Variants in CDH2 observed in about 807,000 individuals in gnomAD.
The protein encoded by CDH2 is cadherin 2, also known as cadherin-2.
In CDH2, 17 loss-of-function variants were observed where a neutral mutation model predicts 92.0. That is an observed-to-expected ratio of 0.18 (90% CI 0.13 to 0.28). The LOEUF is 0.28. CDH2 is among the 10% of genes least tolerant of loss of function. The pLI, the probability that CDH2 is intolerant of heterozygous loss-of-function variation, is 1.00. For synonymous variants in CDH2, 419 were observed against 415.9 expected (o/e 1.01, Z -0.09); for missense variants, 862 against 1,133.1 (o/e 0.76, Z 3.44).
chr18:27,974,024 T>C, intron 14 of CDH2, among the ~76,000 whole-genome samples: 1 of 152,300 alleles, frequency 6.6e-6, no homozygotes, highest in East Asian at 1.9e-4. Flanking sequence ...TAGACTTAGG[T>C]CACTGAAATT....
intron 2 of CDH2, among the ~76,000 whole-genome samples, chr18:28,075,061 G>C (rs1373425420): frequency 6.6e-6 from 1 of 152,092 alleles, no homozygotes; most frequent in African/African-American, 2.4e-5. Flanking sequence ...CCTATTAATA[G>C]AGTTTATTCA....
At chr18:28,142,787 T>G (rs1287528875) in intron 2 of CDH2, among the ~76,000 whole-genome samples, 1 of 151,756 alleles carries the variant, frequency 6.6e-6, no homozygotes, top group Non-Finnish European at 1.5e-5. Flanking sequence ...TTTAAAACAT[T>G]TACACATTTG....
rs17494690 is a variant in CDH2 at position 28,111,287 on chromosome 18, G to A, written c.172+36386C>T. Among the ~76,000 whole-genome samples the A allele has an allele frequency of 2.7e-3, 412 of 152,258 alleles. 3 individuals carry two copies. Among genetic ancestry groups the A allele is most frequent in the African/African-American group, 9.4e-3 (392 of 41,554 alleles). On this transcript the variant is annotated intron_variant, in intron 2 of 15. Transcript: ENST00000269141. Reference sequence around the variant, plus strand: ...TTGCTGACCTAGACAGAGATATTTCGAGGCATGGGTGTAGCACGTGCATAC... The same window carrying A: ...TTGCTGACCTAGACAGAGATATTTCAAGGCATGGGTGTAGCACGTGCATAC...
chr18:28,087,338 G>T (rs17468811), intron 2 of CDH2, among the ~76,000 whole-genome samples: 1,632 of 152,204 alleles, frequency 0.011, 23 homozygotes, highest in East Asian at 0.054. Context: ...CAATAAGCCC[G>T]CCTAAAGAAA....
At chr18:28,051,891 A>G (rs2014199252) in intron 2 of CDH2, among the ~76,000 whole-genome samples, 1 of 152,184 alleles carries the variant, frequency 6.6e-6, no homozygotes, top group African/African-American at 2.4e-5. Flanking sequence ...AGAGAAAAGT[A>G]CAAAAAACTC....
intron 9 of CDH2, among the ~76,000 whole-genome samples, chr18:27,991,999 AC>A (rs1181409274): frequency 6.6e-6 from 1 of 152,188 alleles, no homozygotes; most frequent in Non-Finnish European, 1.5e-5. Context: ...CTAGCATGCA[AC>A]TGTTTTGTTT....
intron 15 of CDH2, among the ~76,000 whole-genome samples, chr18:27,956,986 C>A (rs1217379996): frequency 6.6e-6 from 1 of 152,178 alleles, no homozygotes; most frequent in Non-Finnish European, 1.5e-5. Flanking sequence ...CTATTCTCAG[C>A]TCCAGCAACC....
At chr18:28,159,099 A>T (rs1372447130) in intron 1 of CDH2, 3 of 152,218 alleles carry the variant, frequency 2.0e-5, no homozygotes, top group Non-Finnish European at 4.4e-5. Context: ...CCTGAGACTA[A>T]AAAGTTTGTA....
chr18:27,940,710 G>T (rs1909114882), intron 6 of CDH2, among the ~76,000 whole-genome samples: 1 of 152,134 alleles, frequency 6.6e-6, no homozygotes, highest in Non-Finnish European at 1.5e-5. Context: ...GAGAAATAAG[G>T]TTTGACAATA....
chr18:28,043,461 AATATATATATATATATATATAT>A, intron 2 of CDH2, among the ~76,000 whole-genome samples: 1 of 71,968 alleles, frequency 1.4e-5, no homozygotes, highest in South Asian at 4.6e-4. Flanking sequence ...GATATAAATA[AATATATATATATATATATATAT>A]ATATATATAT....
intron 15 of CDH2, among the ~76,000 whole-genome samples, chr18:27,955,853 T>G (rs775402441): frequency 1.4e-4 from 21 of 149,844 alleles, no homozygotes; most frequent in Non-Finnish European, 2.8e-4. Context: ...CATTGCCTTA[T>G]GTTTTAATAA....
intron 2 of CDH2, among the ~76,000 whole-genome samples, chr18:28,028,457 T>C (rs745734023): frequency 9.2e-5 from 14 of 152,138 alleles, no homozygotes; most frequent in Non-Finnish European, 2.1e-4. Context: ...CCCCAAATCA[T>C]TTGCTGACAG....
chr18:27,981,503 G>A (rs1031190573), intron 14 of CDH2, among the ~76,000 whole-genome samples: 4 of 152,086 alleles, frequency 2.6e-5, no homozygotes, highest in African/African-American at 9.7e-5. Flanking sequence ...AGAGAGCTGG[G>A]GTATTGTAAA....
At chr18:28,170,529 TAG>T (rs2144369155) in intron 1 of CDH2, among the ~76,000 whole-genome samples, 1 of 152,252 alleles carries the variant, frequency 6.6e-6, no homozygotes, top group African/African-American at 2.4e-5. Flanking sequence ...GTATTTTTAG[TAG>T]AGACAGGGTT....
At position 28,134,795 on chromosome 18, in the gene CDH2, C is replaced by T. The variant is rs367871808; in HGVS notation, c.172+12878G>A. Among the ~76,000 whole-genome samples, 121 of 152,230 alleles carry T rather than the reference C, an allele frequency of 7.9e-4. 1 individual carries two copies. Among genetic ancestry groups the T allele is most frequent in the African/African-American group, 2.7e-3 (111 of 41,540 alleles). On this transcript the variant is annotated intron_variant, in intron 2 of 15. Coordinates refer to ENST00000269141, the MANE Select transcript of CDH2 (RefSeq NM_001792.5). Reference sequence around the variant, plus strand: ...TGCACTTACTGACACCTCAGAGAAACCAAGCAAAGTTGTGTGATCATTCTT... The same window carrying T: ...TGCACTTACTGACACCTCAGAGAAATCAAGCAAAGTTGTGTGATCATTCTT...
At chr18:27,935,501 C>A (rs1055779773) in intron 6 of CDH2, among the ~76,000 whole-genome samples, 2 of 152,148 alleles carry the variant, frequency 1.3e-5, no homozygotes, top group Non-Finnish European at 2.9e-5. Context: ...CTGGGGATTA[C>A]AATTTGACAT....
chr18:28,004,882 T>C (rs1256959310), intron 6 of CDH2, among the ~76,000 whole-genome samples: 1 of 152,112 alleles, frequency 6.6e-6, no homozygotes, highest in East Asian at 1.9e-4. Flanking sequence ...AGATATGCAC[T>C]TGGACCAAGA....
chr18:27,945,323 ATTTTTTTTTTT>A (rs66537834), intron 6 of CDH2, among the ~76,000 whole-genome samples: 37 of 66,462 alleles, frequency 5.6e-4, no homozygotes, highest in African/African-American at 8.8e-4. Flanking sequence ...AGGAAGGAAG[ATTTTTTTTTTT>A]TTTTTTTTTT....
At chr18:28,039,509 G>A (rs2013907151) in intron 2 of CDH2, among the ~76,000 whole-genome samples, 1 of 152,154 alleles carries the variant, frequency 6.6e-6, no homozygotes, top group Non-Finnish European at 1.5e-5. Context: ...ATGGCTCAGG[G>A]AGATTAAGCA....
Sources: gnomAD v4.1 joint callset for allele counts (sites outside exome capture counted in the v4.1 genomes callset) on GRCh38, gnomAD v4.1.1 for gene constraint, MANE v1.5 for transcripts, NCBI Gene and HGNC (gene_info 2026-07-23, HGNC 2026-07-21) for gene names.